Variants in MAOA observed in about 807,000 individuals in gnomAD.
The protein encoded by MAOA is amine oxidase [flavin-containing] A.
Under a neutral mutation model 42.0 loss-of-function variants are expected in MAOA, and 6 were observed. The observed-to-expected ratio is 0.14, with a 90% CI of 0.08 to 0.28. The LOEUF is 0.28. Ranked by LOEUF, MAOA falls within the 10% of genes least tolerant of loss-of-function variation. The pLI is 1.00. For synonymous variants in MAOA, 140 were observed against 154.0 expected (o/e 0.91, Z 0.67); for missense variants, 262 against 422.3 (o/e 0.62, Z 3.33).
chrX:43,720,041 A>G (rs2033776281), intron 5 of MAOA, among the ~76,000 whole-genome samples: 1 of 110,470 alleles, frequency 9.1e-6, no homozygotes, highest in South Asian at 4.0e-4. Flanking sequence ...AACGTGACAC[A>G]GGCACTGCGG....
intron 2 of MAOA, among the ~76,000 whole-genome samples, chrX:43,684,657 A>G (rs2033470360): frequency 9.0e-6 from 1 of 111,564 alleles, no homozygotes; most frequent in African/African-American, 3.3e-5. Flanking sequence ...CTAGGGATTG[A>G]GAGTAAAGAC....
intron 1 of MAOA, among the ~76,000 whole-genome samples, chrX:43,669,343 A>AG (rs2033309880): frequency 9.1e-6 from 1 of 110,299 alleles, no homozygotes; most frequent in African/African-American, 3.3e-5. Flanking sequence ...ACTTAAACCC[A>AG]GGGGGCAGAG....
chrX:43,656,843 A>G (rs188048167), intron 1 of MAOA, among the ~76,000 whole-genome samples: 1 of 109,753 alleles, frequency 9.1e-6, no homozygotes, highest in Non-Finnish European at 1.9e-5. Context: ...CTCCCATTTA[A>G]GACCTGCAGT....
intron 2 of MAOA, among the ~76,000 whole-genome samples, chrX:43,687,501 A>C (rs921308626): frequency 8.9e-6 from 1 of 112,091 alleles, no homozygotes; most frequent in African/African-American, 3.2e-5. Flanking sequence ...GACAGCACTG[A>C]TGGTTACTAA....
At chrX:43,689,916 T>A (rs1229870032) in intron 2 of MAOA, among the ~76,000 whole-genome samples, 1 of 110,899 alleles carries the variant, frequency 9.0e-6, no homozygotes, top group Non-Finnish European at 1.9e-5. Context: ...AAAGATATTA[T>A]TCCCCTATCT....
chrX:43,661,509 A>C (rs2033233400), intron 1 of MAOA, among the ~76,000 whole-genome samples: 1 of 111,448 alleles, frequency 9.0e-6, no homozygotes, highest in African/African-American at 3.3e-5. Context: ...AGGAACACAG[A>C]TACAGTCATG....
At chrX:43,707,814 T>A (rs2033669403) in intron 3 of MAOA, among the ~76,000 whole-genome samples, 1 of 111,999 alleles carries the variant, frequency 8.9e-6, no homozygotes, top group Admixed American at 9.5e-5. Flanking sequence ...ATTTTCCAGA[T>A]GATTAAAGAA....
At chrX:43,730,015 G>A (rs1169953561) in intron 6 of MAOA, among the ~76,000 whole-genome samples, 4 of 109,102 alleles carry the variant, frequency 3.7e-5, no homozygotes, top group African/African-American at 1.3e-4. Context: ...CTAACATGAT[G>A]AAACCCCATT....
intron 10 of MAOA, among the ~76,000 whole-genome samples, chrX:43,738,026 G>A: frequency 8.9e-6 from 1 of 112,181 alleles, no homozygotes; most frequent in Middle Eastern, 4.6e-3. Context: ...AGATCTGACT[G>A]CATCAAAATA....
intron 1 of MAOA, among the ~76,000 whole-genome samples, chrX:43,672,655 T>G (rs926392667): frequency 2.7e-5 from 3 of 111,579 alleles, no homozygotes; most frequent in Non-Finnish European, 5.6e-5. Flanking sequence ...TAGCATGAAG[T>G]GTTCTTGAAT....
chrX:43,744,657 T>A lies in MAOA; in HGVS notation c.*144T>A. The A allele has an allele frequency of 1.6e-6, 1 of 617,821 alleles. No homozygotes were observed. Among genetic ancestry groups the A allele is most frequent in the Non-Finnish European group, 2.6e-6 (1 of 385,343 alleles). The allele number at this position is 617,821 out of a possible 1,213,427, so 50.9% of individuals were successfully genotyped here. A position where few individuals can be genotyped will look rare whatever the true frequency, so the allele number is the denominator to read the frequency against. On this transcript the variant is annotated 3_prime_UTR_variant, in exon 15 of 15. Transcript: ENST00000338702. ...GGCTTAATTCCAATCATTGTTAAAG[T>A]AAAAACAATTCAAAGAATCACCTAA...
intron 2 of MAOA, among the ~76,000 whole-genome samples, chrX:43,691,153 C>A (rs2033529408): frequency 9.0e-6 from 1 of 110,745 alleles, no homozygotes. Flanking sequence ...GAGGCTAAGG[C>A]AGGTGTATCG....
chrX:43,693,780 TACACAC>T (rs112883967), intron 3 of MAOA, among the ~76,000 whole-genome samples: 2 of 102,467 alleles, frequency 2.0e-5, no homozygotes, highest in Non-Finnish European at 4.0e-5. Context: ...AACAGACATG[TACACAC>T]ACACACACAC....
chrX:43,662,681 T>C (rs1456402376), intron 1 of MAOA, among the ~76,000 whole-genome samples: 1 of 111,564 alleles, frequency 9.0e-6, no homozygotes, highest in Non-Finnish European at 1.9e-5. Flanking sequence ...TCAGAAAGAC[T>C]AAGGTTGTAT....
chrX:43,722,949 T>G (rs982694678), intron 5 of MAOA, among the ~76,000 whole-genome samples: 1 of 112,126 alleles, frequency 8.9e-6, no homozygotes. Context: ...AGGGAATCCT[T>G]TCCCTGTTGC....
At chrX:43,665,810 T>TTAGATAGA (rs35784967) in intron 1 of MAOA, among the ~76,000 whole-genome samples, 5,853 of 98,269 alleles carry the variant, frequency 0.06, 157 homozygotes, top group Non-Finnish European at 0.07. Context: ...TAGGTATAGA[T>TTAGATAGA]TAGATAGATA....
chrX:43,705,074 A>G (rs1457883569), intron 3 of MAOA, among the ~76,000 whole-genome samples: 2 of 111,966 alleles, frequency 1.8e-5, no homozygotes, highest in Non-Finnish European at 3.8e-5. Flanking sequence ...CCTAGCTGAC[A>G]GTTTTTGCAG....
intron 5 of MAOA, among the ~76,000 whole-genome samples, chrX:43,715,933 A>T (rs1029072429): frequency 9.1e-6 from 1 of 110,283 alleles, no homozygotes; most frequent in Admixed American, 9.6e-5. Flanking sequence ...AAGGTGTAGC[A>T]GGATGGTATC....
intron 3 of MAOA, among the ~76,000 whole-genome samples, chrX:43,710,967 C>T (rs747825287): frequency 4.5e-5 from 5 of 111,707 alleles, no homozygotes; most frequent in Non-Finnish European, 9.4e-5. Context: ...GAACCATAGC[C>T]ATAGTCTTTG....
Sources: allele counts gnomAD v4.1 joint callset (sites outside exome capture counted in the v4.1 genomes callset), GRCh38; gene constraint gnomAD v4.1.1; transcripts MANE v1.5; gene names NCBI Gene and HGNC (gene_info 2026-07-23, HGNC 2026-07-21).